The following DOCK1 variants were observed in gnomAD, a reference collection of about 807,000 sequenced individuals.
The protein encoded by DOCK1 is dedicator of cytokinesis protein 1.
In DOCK1, 138 loss-of-function variants were observed where a neutral mutation model predicts 262.7. The ratio of observed to expected loss-of-function variants is 0.53; its 90% CI spans 0.46 to 0.61. The LOEUF (loss-of-function observed/expected upper bound fraction) is 0.61, where lower values mean the gene tolerates loss of function less well. Among genes scored for constraint, DOCK1 ranks in the 20% least tolerant of loss-of-function variants. DOCK1 has a pLI of 0.00. For missense variants in DOCK1, 1,908 were observed against 2,370.7 expected (o/e 0.80, Z 4.05); for synonymous variants, 866 against 867.4 (o/e 1.00, Z 0.03).
intron 25 of DOCK1, among the ~76,000 whole-genome samples, chr10:127,111,944 G>C (rs1307634679): frequency 6.6e-6 from 1 of 151,772 alleles, no homozygotes; most frequent in African/African-American, 2.4e-5. Context: ...AATTTCTGTT[G>C]CAAAACTTTG....
At chr10:127,125,665 A>C in intron 26 of DOCK1, 64 bp downstream of exon 26, 1 of 1,579,762 alleles carries the variant, frequency 6.3e-7, no homozygotes, top group Non-Finnish European at 8.6e-7. Context: ...GCCTTGCAGT[A>C]CAACTTTATT....
At chr10:127,068,858 C>T (rs553293466) in intron 23 of DOCK1, among the ~76,000 whole-genome samples, 1 of 152,102 alleles carries the variant, frequency 6.6e-6, no homozygotes, top group Non-Finnish European at 1.5e-5. Context: ...TACCTGTGTC[C>T]TTCAGTATTT....
chr10:126,963,719 G>C (rs2037459839), intron 1 of DOCK1, among the ~76,000 whole-genome samples: 1 of 147,994 alleles, frequency 6.8e-6, no homozygotes, highest in African/African-American at 2.5e-5. Flanking sequence ...TGTGTGCCAG[G>C]TGTTTTTAGA....
intron 29 of DOCK1, among the ~76,000 whole-genome samples, chr10:127,321,880 A>G (rs56880959): frequency 0.18 from 27,729 of 152,000 alleles, 2,761 homozygotes; most frequent in African/African-American, 0.27. Context: ...AGGCGGGCCA[A>G]TCACCTGAGG....
chr10:127,041,785 C>T (rs2044030837), intron 19 of DOCK1, among the ~76,000 whole-genome samples: 1 of 152,162 alleles, frequency 6.6e-6, no homozygotes, highest in South Asian at 2.1e-4. Flanking sequence ...GATGGTTTCC[C>T]TTTGTATGTC....
At chr10:127,209,847 T>C (rs1014569625) in intron 27 of DOCK1, among the ~76,000 whole-genome samples, 11 of 152,188 alleles carry the variant, frequency 7.2e-5, no homozygotes, top group Non-Finnish European at 1.2e-4. Context: ...CACCTCTTCC[T>C]GTTAGCACAC....
In DOCK1 at chr10:127,419,716, G is replaced by T. The variant is rs1459433632; in HGVS notation, c.4743G>T (p.Lys1581Asn). 1 of 1,604,782 alleles carries T rather than the reference G, an allele frequency of 6.2e-7. No individual in the cohort carries two copies. Among genetic ancestry groups the T allele is most frequent in the Non-Finnish European group, 8.5e-7 (1 of 1,175,452 alleles). ...AGGAGCACCCTGAGGCCCATGAAAA[G>T]ATCGAGAAGCTCAAGGACCTGATTG... The part of the protein sequence containing the change: ...YLQEHPEAHE[K>N]IEKLKDLIAW... Residue 1581 changes from lysine to asparagine, a missense_variant, in exon 46 of 52, where the codon AAG (lysine) becomes AAT (asparagine). Physicochemically the swap from Lys to Asn is moderately conservative, Grantham distance 94. This residue lies in a region of DOCK1 where 383 missense variants were observed against 420.1 expected (regional missense o/e 0.91). Transcript: ENST00000623213.
intron 38 of DOCK1, among the ~76,000 whole-genome samples, chr10:127,386,219 A>C (rs1451439214): frequency 6.6e-6 from 1 of 152,158 alleles, no homozygotes; most frequent in Non-Finnish European, 1.5e-5. Flanking sequence ...CACAGGGAGA[A>C]AGTCTGACGT....
chr10:127,190,682 C>CCCCCCCCCCG (rs1554912109), intron 27 of DOCK1, among the ~76,000 whole-genome samples: 3 of 43,688 alleles, frequency 6.9e-5, no homozygotes, highest in Non-Finnish European at 1.5e-4. Context: ...CCCCCCCCCC[C>CCCCCCCCCCG]CGTTCCTGCT....
At chr10:127,358,881 G>C (rs977112640) in intron 32 of DOCK1, among the ~76,000 whole-genome samples, 5 of 152,154 alleles carry the variant, frequency 3.3e-5, no homozygotes, top group Non-Finnish European at 7.3e-5. Context: ...GGAGGCCTTG[G>C]CTTCGTGAGA....
chr10:126,912,410 A>G (rs1422928177), intron 1 of DOCK1, among the ~76,000 whole-genome samples: 1 of 148,616 alleles, frequency 6.7e-6, no homozygotes, highest in East Asian at 2.0e-4. Flanking sequence ...AGCCTGGGCA[A>G]CAAGAGCAAA....
At position 127,176,648 on chromosome 10, in the gene DOCK1, G is replaced by A. The variant is rs867681521; in HGVS notation, c.2847+48884G>A. Among the ~76,000 whole-genome samples the A allele has an allele frequency of 1.6e-4, 25 of 152,274 alleles. No individual in the cohort carries two copies. The highest frequency in any genetic ancestry group is 5.8e-4 in the African/African-American group (24 of 41,556). Reference sequence around the variant, plus strand: ...GGATACACTCGCTTTCCTTTTGACAGTAATGCATGTTTCCCCATTAGACAA... The same window carrying A: ...GGATACACTCGCTTTCCTTTTGACAATAATGCATGTTTCCCCATTAGACAA... On this transcript the variant is annotated intron_variant, in intron 27 of 51. Transcript: ENST00000623213. This position sits in a 1 kb window ranked among gnomAD's most constrained non-coding sequence, Gnocchi z 4.4.
At chr10:127,118,672 T>C (rs2049339061) in intron 25 of DOCK1, among the ~76,000 whole-genome samples, 1 of 152,232 alleles carries the variant, frequency 6.6e-6, no homozygotes, top group Non-Finnish European at 1.5e-5. Flanking sequence ...TCCATGATAC[T>C]GAATACCTCA....
Position 127,373,837 on chromosome 10 carries a change from C to T in DOCK1, c.3489C>T (p.Asp1163=), listed in dbSNP as rs749433954. Residue 1163 remains aspartate (D), a synonymous_variant, in exon 34 of 52, where the codon GAC becomes GAT. Transcript: ENST00000623213. ...ATGAAGTCGAAGGAGGCAGAGGAGA[C>T]GAACAGTACAAAGTGTTATTTGATA... ...LDHEVEGGRG[D]EQYKVLFDKI... 2.0e-5 allele frequency: 32 copies of T among 1,610,632 alleles called. No individual in the cohort carries two copies. Among genetic ancestry groups the T allele is most frequent in the African/African-American group, 9.4e-5 (7 of 74,852 alleles).
rs1397355017 is a variant in DOCK1, at chr10:127,416,556, T to A, written c.4515+1318T>A. On this transcript the variant is annotated intron_variant, in intron 44 of 51. Coordinates refer to ENST00000623213, the MANE Select transcript of DOCK1 (RefSeq NM_001290223.2). ...GCTGCTTTGGCCATTTTGAACAGAC[T>A]AAGAGGGCAGGAAGGCAAATAATCC... Among the ~76,000 whole-genome samples the A allele has an allele frequency of 2.0e-5, 3 of 152,086 alleles. No homozygotes were observed. In the East Asian group the frequency reaches 5.8e-4, roughly 29 times the overall value.
intron 1 of DOCK1, among the ~76,000 whole-genome samples, chr10:126,964,083 A>C (rs2037481284): frequency 6.6e-6 from 1 of 152,150 alleles, no homozygotes; most frequent in South Asian, 2.1e-4. Context: ...TACAGTGGGT[A>C]ATGTTGGGTA....
At chr10:126,946,697 G>A (rs957420253) in intron 1 of DOCK1, among the ~76,000 whole-genome samples, 4 of 152,258 alleles carry the variant, frequency 2.6e-5, no homozygotes, top group South Asian at 4.1e-4. Flanking sequence ...GGCTAATTTC[G>A]CAGAGCACAG....
intron 44 of DOCK1, among the ~76,000 whole-genome samples, chr10:127,415,549 A>G (rs993839762): frequency 4.1e-4 from 63 of 152,268 alleles, no homozygotes; most frequent in African/African-American, 1.4e-3. Flanking sequence ...CTTTGTGTTA[A>G]CCAAGTGAAA....
intron 27 of DOCK1, among the ~76,000 whole-genome samples, chr10:127,207,472 A>G (rs894540644): frequency 6.6e-6 from 1 of 152,244 alleles, no homozygotes; most frequent in Non-Finnish European, 1.5e-5. Flanking sequence ...GAATGTACCA[A>G]TAACACTTTT....
Sources: allele counts gnomAD v4.1 joint callset (sites outside exome capture counted in the v4.1 genomes callset), GRCh38; gene constraint gnomAD v4.1.1; regional missense constraint gnomAD v4.1.1; non-coding constraint Gnocchi (gnomAD v3.1); transcripts MANE v1.5; gene names NCBI Gene and HGNC (gene_info 2026-07-23, HGNC 2026-07-21).